SYT14: variants seen among roughly 807,000 people sequenced by gnomAD.
SYT14 encodes synaptotagmin 14, also known as synaptotagmin-14.
A neutral mutation model predicts 74.2 loss-of-function variants in SYT14; 32 were observed. The observed-to-expected ratio is 0.43, with a 90% CI of 0.33 to 0.58. SYT14 has a LOEUF of 0.58. SYT14 is among the 20% of genes least tolerant of loss of function. SYT14 has a pLI of 0.05. For synonymous variants in SYT14, 298 were observed against 337.7 expected (o/e 0.88, Z 1.29); for missense variants, 791 against 981.8 (o/e 0.81, Z 2.60).
At position 210,038,704 on chromosome 1, in the gene SYT14, T is replaced by C. The variant is rs976975494; in HGVS notation, c.1312+17450T>C. The stretch of plus-strand genomic sequence containing the variant: ...TTATACTAGTAAAATAACAAATTCA[T>C]GGTTGACAGTTTTGTTTTTAAGTCC... On this transcript the variant is annotated intron_variant, in intron 5 of 9. Transcript: ENST00000637265. Among the ~76,000 whole-genome samples the C allele has an allele frequency of 2.0e-5, 3 of 152,152 alleles. No homozygotes were observed. In the East Asian group the frequency reaches 5.8e-4, roughly 29 times the overall value.
intron 7 of SYT14, among the ~76,000 whole-genome samples, chr1:210,145,476 A>C (rs2102683736): frequency 6.6e-6 from 1 of 152,332 alleles, no homozygotes; most frequent in South Asian, 2.1e-4. Context: ...ATATTTATTA[A>C]GTGCCTGCTG....
At chr1:209,991,545 A>G (rs1217944235) in intron 2 of SYT14, among the ~76,000 whole-genome samples, 1 of 152,230 alleles carries the variant, frequency 6.6e-6, no homozygotes, top group African/African-American at 2.4e-5. Flanking sequence ...CAACATCACT[A>G]ATCATCAGAG....
intron 7 of SYT14, among the ~76,000 whole-genome samples, chr1:210,133,203 C>T (rs1258599600): frequency 6.6e-6 from 1 of 152,176 alleles, no homozygotes; most frequent in East Asian, 1.9e-4. Context: ...TCTAGCAAAG[C>T]ATCTTAGCAG....
chr1:209,965,405 G>A lies in SYT14; in HGVS notation c.-486+12649G>A, dbSNP rs549603217. On this transcript the variant is annotated intron_variant, in intron 2 of 9. Transcript: ENST00000637265. ...AGGACATGATTTCATCTCTTTTGTG[G>A]CTGCATAGTATTCCATGATATATAT... Among the ~76,000 whole-genome samples the A allele has an allele frequency of 2.9e-4, 44 of 152,232 alleles. No homozygotes were observed. In the South Asian group the frequency reaches 4.6e-3, roughly 16 times the overall value.
chr1:210,058,063 T>C (rs1393159118), intron 5 of SYT14, among the ~76,000 whole-genome samples: 1 of 152,224 alleles, frequency 6.6e-6, no homozygotes, highest in African/African-American at 2.4e-5. Context: ...GGATGTTTAA[T>C]GGGACTTTTC....
chr1:210,010,464 C>A (rs927753383), intron 2 of SYT14, among the ~76,000 whole-genome samples: 6 of 152,224 alleles, frequency 3.9e-5, no homozygotes, highest in African/African-American at 1.4e-4. Flanking sequence ...CTGTCTTTAA[C>A]CATGCTATTT....
At chr1:210,057,980 G>A (rs1411439893) in intron 5 of SYT14, among the ~76,000 whole-genome samples, 1 of 152,110 alleles carries the variant, frequency 6.6e-6, no homozygotes, top group Non-Finnish European at 1.5e-5. Flanking sequence ...GTACATTTAG[G>A]TCTATACCTA....
At chr1:210,130,063 G>A (rs957604362) in intron 7 of SYT14, among the ~76,000 whole-genome samples, 8 of 152,174 alleles carry the variant, frequency 5.3e-5, no homozygotes, top group African/African-American at 1.7e-4. Context: ...TATCTGTCGG[G>A]TCTGACCATA....
At chr1:210,104,263 C>A (rs1302405364) in intron 7 of SYT14, among the ~76,000 whole-genome samples, 1 of 152,226 alleles carries the variant, frequency 6.6e-6, no homozygotes, top group African/African-American at 2.4e-5. Context: ...GTTTTCCTCA[C>A]CTGACCAATT....
At chr1:210,051,306 AC>A (rs1558154723) in intron 5 of SYT14, among the ~76,000 whole-genome samples, 2 of 152,212 alleles carry the variant, frequency 1.3e-5, no homozygotes, top group Non-Finnish European at 2.9e-5. Context: ...ATAAGGTTGT[AC>A]AGTATACTGT....
intron 7 of SYT14, among the ~76,000 whole-genome samples, chr1:210,152,938 A>C (rs972033248): frequency 1.3e-5 from 2 of 152,040 alleles, no homozygotes; most frequent in Non-Finnish European, 2.9e-5. Flanking sequence ...TTTGGGCCCA[A>C]CATGTTTTAC....
At chr1:209,970,704 G>A (rs1159608206) in intron 2 of SYT14, among the ~76,000 whole-genome samples, 35 of 51,178 alleles carry the variant, frequency 6.8e-4, no homozygotes, top group African/African-American at 2.0e-3. Context: ...TTTTTTTTGA[G>A]GCAGAGTCTC....
At chr1:210,055,710 C>A (rs2081083372) in intron 5 of SYT14, among the ~76,000 whole-genome samples, 1 of 149,868 alleles carries the variant, frequency 6.7e-6, no homozygotes. Flanking sequence ...GAGGCTAAGG[C>A]AGGAGGATCA....
At chr1:210,156,683 C>CTTTTTTTTTTTTTTTT (rs71146208) in intron 8 of SYT14, among the ~76,000 whole-genome samples, 2 of 55,962 alleles carry the variant, frequency 3.6e-5, no homozygotes, top group Non-Finnish European at 6.6e-5. Context: ...GTGGCAGCTT[C>CTTTTTTTTTTTTTTTT]TTTTTTTTTT....
At chr1:210,127,504 C>A (rs2082590925) in intron 7 of SYT14, among the ~76,000 whole-genome samples, 1 of 152,068 alleles carries the variant, frequency 6.6e-6, no homozygotes, top group Non-Finnish European at 1.5e-5. Flanking sequence ...TTTTTAGTCT[C>A]CAAAGTAGGA....
At chr1:210,051,479 A>G (rs1323464976) in intron 5 of SYT14, among the ~76,000 whole-genome samples, 1 of 152,214 alleles carries the variant, frequency 6.6e-6, no homozygotes, top group Non-Finnish European at 1.5e-5. Context: ...ACATATACTC[A>G]GATAAATCCC....
chr1:210,149,314 A>G (rs940650781), intron 7 of SYT14, among the ~76,000 whole-genome samples: 1 of 150,948 alleles, frequency 6.6e-6, no homozygotes, highest in African/African-American at 2.4e-5. Flanking sequence ...CCTCCCGAGT[A>G]GCTGGGATTA....
chr1:210,027,026 A>G (rs1435446470), intron 5 of SYT14, among the ~76,000 whole-genome samples: 1 of 152,128 alleles, frequency 6.6e-6, no homozygotes, highest in Non-Finnish European at 1.5e-5. Flanking sequence ...CCATTCAGTC[A>G]GAAATTCACA....
exon 6 of SYT14, chr1:210,094,411 T>C: frequency 6.2e-7 from 1 of 1,614,000 alleles, no homozygotes; most frequent in South Asian, 1.1e-5. Flanking sequence ...TCCCCATCTG[T>C]CATGTACACC....
Sources: gnomAD v4.1 joint callset for allele counts (sites outside exome capture counted in the v4.1 genomes callset) on GRCh38, gnomAD v4.1.1 for gene constraint, MANE v1.5 for transcripts, NCBI Gene and HGNC (gene_info 2026-07-23, HGNC 2026-07-21) for gene names.